SWSAP1: variants seen among roughly 807,000 people sequenced by gnomAD.
SWSAP1 encodes the protein SWIM-type zinc finger 7 associated protein 1, also known as ATPase SWSAP1.
Under a neutral mutation model 5.6 loss-of-function variants are expected in SWSAP1, and 4 were observed. That is an observed-to-expected ratio of 0.72 (90% CI 0.35 to 1.64). The LOEUF (loss-of-function observed/expected upper bound fraction) is 1.64, where lower values mean the gene tolerates loss of function less well. SWSAP1 is among the 40% of genes most tolerant of loss of function. The probability of loss-of-function intolerance (pLI) is 0.05; values close to 1 mark genes in which losing one functional copy is unlikely to be tolerated. For synonymous variants in SWSAP1, 139 were observed against 143.3 expected, an observed-to-expected ratio of 0.97 and a Z score of 0.22; for missense variants, 354 against 319.8, an observed-to-expected ratio of 1.11 and a Z score of -0.82.
chr19:11,375,427 G>C, intron 1 of SWSAP1, 86 bp from the exon 2 acceptor site: 1 of 1,520,598 alleles, frequency 6.6e-7, no homozygotes, highest in South Asian at 1.3e-5. Context: ...TGGAACCAAG[G>C]AAAGTATGCA....
chr19:11,374,666 A>C lies in SWSAP1; in HGVS notation c.-15A>C. 2 of 1,485,808 alleles carry C rather than the reference A, an allele frequency of 1.3e-6. No individual in the cohort carries two copies. Among genetic ancestry groups the C allele is most frequent in the Non-Finnish European group, 1.8e-6 (2 of 1,115,378 alleles). The allele number at this position is 1,485,808 out of a possible 1,614,324, so 92.0% of individuals were successfully genotyped here. A position where few individuals can be genotyped will look rare whatever the true frequency, so the allele number is the denominator to read the frequency against. ...GCTGGGAACGAGCCACCGATTGGTCAGAGCTACGCGGCGAATGGCGGAGAC... is the reference window on the plus strand; with the variant it reads ...GCTGGGAACGAGCCACCGATTGGTCCGAGCTACGCGGCGAATGGCGGAGAC... On this transcript the variant is annotated 5_prime_UTR_variant, in exon 1 of 2. Coordinates refer to ENST00000674460, the MANE Select transcript of SWSAP1 (RefSeq NM_175871.4).
rs867181814 is a variant in SWSAP1, at chr19:11,375,604, T to C, written c.341T>C (p.Leu114Pro). The C allele has an allele frequency of 6.2e-7, 1 of 1,614,152 alleles. No homozygotes were observed. Among genetic ancestry groups the C allele is most frequent in the Non-Finnish European group, 8.5e-7 (1 of 1,180,028 alleles). ...HEAPGPAPSL[L>P]LLDGLEEYLA... is the part of the protein sequence containing the mutation. Reference sequence around the variant, plus strand: ...GCCCCGGGGCCAGCCCCCTCCCTTCTGCTGCTCGACGGCCTAGAAGAGTAC... The same window carrying C: ...GCCCCGGGGCCAGCCCCCTCCCTTCCGCTGCTCGACGGCCTAGAAGAGTAC... Residue 114 changes from leucine (L) to proline (P), a missense_variant, in exon 2 of 2, where the codon CTG becomes CCG. Leu to Pro is a moderately conservative substitution (Grantham distance 98). Transcript: ENST00000674460.
rs150033461 is a variant in SWSAP1 at position 11,375,967 on chromosome 19, C to G, written c.704C>G (p.Ala235Gly). 4.3e-4 allele frequency: 701 copies of G among 1,612,200 alleles called. 1 individual carries two copies. The highest frequency in any genetic ancestry group is 5.6e-4 in the Non-Finnish European group (664 of 1,179,500). ...ATGATCGCTCCGTGGCCCACCCAGG[C>G]TGGTGACCCCAGCTCAGGCAAGGGT... The part of the protein sequence containing the change: ...EMMIAPWPTQ[A>G]GDPSSGKGSS... The change falls in exon 2 of 2, where the codon GCT becomes GGT. Residue 235 changes from alanine to glycine, a missense_variant. By Grantham distance (60) the Ala-to-Gly change is moderately conservative. Transcript: ENST00000674460.
rs560915011 is a variant in SWSAP1, at chr19:11,375,031, G to C, written c.249+102G>C. ...AGCCAATGGAGAGGACGGTGGAAGA[G>C]CGAGCCAGGGCAGCCACGATGGGGC... is the stretch of plus-strand genomic sequence containing the variant. On this transcript the variant is annotated intron_variant, in intron 1 of 1. Transcript: ENST00000674460. 1.2e-4 allele frequency: 178 copies of C among 1,464,918 alleles called. No individual in the cohort carries two copies. In the South Asian group the frequency reaches 1.8e-3, roughly 15 times the overall value. The allele number at this position is 1,464,918 out of a possible 1,614,324, so 90.7% of individuals were successfully genotyped here. A position where few individuals can be genotyped will look rare whatever the true frequency, so the allele number is the denominator to read the frequency against.
rs1237643996 is a variant in SWSAP1, at chr19:11,375,881, G to A, written c.618G>A (p.Glu206=). The A allele has an allele frequency of 1.9e-6, 3 of 1,614,038 alleles. No individual in the cohort carries two copies. The highest frequency in any genetic ancestry group is 2.7e-5 in the African/African-American group (2 of 74,956). ...AGCACGGCCTCCGAGCCTGCCTGGA[G>A]CCAGGCGGGCTGGGCCCCAGAACAG... ...PGEHGLRACL[E]PGGLGPRTEW... The change falls in exon 2 of 2, where the codon GAG becomes GAA. Residue 206 remains glutamate, a synonymous_variant. Coordinates refer to ENST00000674460, the MANE Select transcript of SWSAP1 (RefSeq NM_175871.4).
chr19:11,374,937 T>TG lies in SWSAP1; in HGVS notation c.249+13dup, dbSNP rs748544314. ...GACCCAATGCGACTCCAGGTAACCG[T>TG]GGGGGTGGGAGCAGAGGCGTTCTAG... On this transcript the variant is annotated intron_variant, in intron 1 of 1. Transcript: ENST00000674460. The TG allele has an allele frequency of 3.9e-5, 63 of 1,612,064 alleles. 1 individual carries two copies. The highest frequency in any genetic ancestry group is 2.7e-4 in the East Asian group (12 of 44,844).
In SWSAP1 at chr19:11,376,022, G is replaced by A; in HGVS notation, c.*6G>A. The A allele has an allele frequency of 1.3e-6, 2 of 1,581,432 alleles. No individual in the cohort carries two copies. Among genetic ancestry groups the A allele is most frequent in the African/African-American group, 1.3e-5 (1 of 74,508 alleles). On this transcript the variant is annotated 3_prime_UTR_variant, in exon 2 of 2. Transcript: ENST00000674460. ...GCTCTGGAGGCCAGCCCTGAGCTTT[G>A]GTGGGTGACTACCTCTCTGTGCTTC...
In SWSAP1 at chr19:11,375,677, A is replaced by T; in HGVS notation, c.414A>T (p.Leu138Phe). ...EPQEAAYLIA[L>F]LLDTAAHFSH... The stretch of plus-strand genomic sequence containing the variant: ...AGGAAGCCGCCTACCTCATTGCCTT[A>T]CTTCTAGACACAGCTGCCCACTTCA... The change falls in exon 2 of 2, where the codon TTA becomes TTT. Residue 138 changes from leucine (L) to phenylalanine (F), a missense_variant. By Grantham distance (22) the Leu-to-Phe change is conservative. Coordinates refer to ENST00000674460, the MANE Select transcript of SWSAP1 (RefSeq NM_175871.4). 1.2e-6 allele frequency: 2 copies of T among 1,614,100 alleles called. No individual in the cohort carries two copies. The highest frequency in any genetic ancestry group is 1.7e-6 in the Non-Finnish European group (2 of 1,180,002).
Position 11,374,861 on chromosome 19 carries a change from C to G in SWSAP1, c.181C>G (p.Leu61Val). 1 of 1,614,034 alleles carries G rather than the reference C, an allele frequency of 6.2e-7. No individual in the cohort carries two copies. Among genetic ancestry groups the G allele is most frequent in the Non-Finnish European group, 8.5e-7 (1 of 1,180,038 alleles). Residue 61 changes from leucine to valine, a missense_variant, in exon 1 of 2, where the codon CTG (leucine) becomes GTG (valine). Leu to Val is a conservative substitution (Grantham distance 32). Transcript: ENST00000674460. ...AGEGQGPVLF[L>V]TRRPLQSMPR... The stretch of plus-strand genomic sequence containing the variant: ...GGAGGGCCAAGGCCCAGTCCTCTTC[C>G]TGACACGAAGGCCTCTTCAAAGCAT...
Position 11,374,877 on chromosome 19 carries a change from T to C in SWSAP1, c.197T>C (p.Leu66Pro), listed in dbSNP as rs750498009. 4 of 1,613,880 alleles carry C rather than the reference T, an allele frequency of 2.5e-6. No individual in the cohort carries two copies. In the Admixed American group the frequency reaches 6.7e-5, roughly 27 times the overall value. Residue 66 changes from leucine to proline, a missense_variant, in exon 1 of 2, where the codon CTT (leucine) becomes CCT (proline). Leu to Pro is a moderately conservative substitution (Grantham distance 98). Coordinates refer to ENST00000674460, the MANE Select transcript of SWSAP1 (RefSeq NM_175871.4). Reference protein sequence around the residue: ...GPVLFLTRRPLQSMPRGTGTT... With the variant: ...GPVLFLTRRPPQSMPRGTGTT... ...GTCCTCTTCCTGACACGAAGGCCTC[T>C]TCAAAGCATGCCCCGCGGGACCGGA...
intron 1 of SWSAP1, 106 bp downstream of exon 1, chr19:11,375,035 G>A: frequency 2.1e-6 from 3 of 1,427,326 alleles, no homozygotes; most frequent in Non-Finnish European, 2.9e-6. Context: ...GGAAGAGCGA[G>A]CCAGGGCAGC....
chr19:11,376,029 G>C lies in SWSAP1; in HGVS notation c.*13G>C. On this transcript the variant is annotated 3_prime_UTR_variant, in exon 2 of 2. Transcript: ENST00000674460. ...AGGCCAGCCCTGAGCTTTGGTGGGT[G>C]ACTACCTCTCTGTGCTTCAGTTTCC... 6.4e-7 allele frequency: 1 copy of C among 1,572,744 alleles called. No homozygotes were observed. Among genetic ancestry groups the C allele is most frequent in the Non-Finnish European group, 8.6e-7 (1 of 1,157,460 alleles).
In SWSAP1 at chr19:11,374,693, C is replaced by CTG. The variant is rs1413299552; in HGVS notation, c.14_15dup (p.Arg6Ter). 4 of 1,542,068 alleles carry CTG rather than the reference C, an allele frequency of 2.6e-6. No homozygotes were observed. The African/African-American group carries it at 5.5e-5, about 21-fold the overall frequency. On this transcript the variant is annotated frameshift_variant, in exon 1 of 2. Coordinates refer to ENST00000674460, the MANE Select transcript of SWSAP1 (RefSeq NM_175871.4). LOFTEE classifies it high-confidence loss of function. ...AGCTACGCGGCGAATGGCGGAGACG[C>CTG]TGAGGCGGGTGCTAACCAGGGGCGG...
In SWSAP1 at chr19:11,374,736, A is replaced by G. The variant is rs1568326634; in HGVS notation, c.56A>G (p.Glu19Gly). Reference sequence around the variant, plus strand: ...AGGGGCGGTGCGGCCTGGTCCGGGGAGGAGAACATGCCTGCCGCCGGACCG... The same window carrying G: ...AGGGGCGGTGCGGCCTGGTCCGGGGGGGAGAACATGCCTGCCGCCGGACCG... ...LTRGGAAWSG[E>G]ENMPAAGPPL... The change falls in exon 1 of 2, where the codon GAG (glutamate) becomes GGG (glycine). Residue 19 changes from glutamate to glycine, a missense_variant. Physicochemically the swap from Glu to Gly is moderately conservative, Grantham distance 98 (BLOSUM62 -2). Coordinates refer to ENST00000674460, the MANE Select transcript of SWSAP1 (RefSeq NM_175871.4). 6.2e-7 allele frequency: 1 copy of G among 1,606,378 alleles called. No individual in the cohort carries two copies. Among genetic ancestry groups the G allele is most frequent in the Admixed American group, 1.7e-5 (1 of 58,082 alleles).
At position 11,374,845 on chromosome 19, in the gene SWSAP1, A is replaced by C. The variant is rs368267656; in HGVS notation, c.165A>C (p.Gln55His). The C allele has an allele frequency of 8.1e-5, 130 of 1,613,562 alleles. 1 individual carries two copies. The Middle Eastern group carries it at 2.3e-3, about 29-fold the overall frequency. Residue 55 changes from glutamine to histidine, a missense_variant, in exon 1 of 2, where the codon CAA (glutamine) becomes CAC (histidine). Transcript: ENST00000674460. Reference sequence around the variant, plus strand: ...CCCTAGAGGCGGCGGGGGAGGGCCAAGGCCCAGTCCTCTTCCTGACACGAA... The same window carrying C: ...CCCTAGAGGCGGCGGGGGAGGGCCACGGCCCAGTCCTCTTCCTGACACGAA... ...AAALEAAGEG[Q>H]GPVLFLTRRP...
chr19:11,375,064 G>C, intron 1 of SWSAP1, 135 bp downstream of exon 1: 1 of 1,143,396 alleles, frequency 8.7e-7, no homozygotes, highest in Non-Finnish European at 1.3e-6. Context: ...GGCGGAGTCA[G>C]GCAGGCGGAG....
At position 11,374,832 on chromosome 19, in the gene SWSAP1, C is replaced by G. The variant is rs937720759; in HGVS notation, c.152C>G (p.Ala51Gly). The change falls in exon 1 of 2, where the codon GCG becomes GGG. Residue 51 changes from alanine (A) to glycine (G), a missense_variant. Transcript: ENST00000674460. ...CTATTTGCTGCGGCCCTAGAGGCGG[C>G]GGGGGAGGGCCAAGGCCCAGTCCTC... ...ALLFAAALEAAGEGQGPVLFL... is the reference protein window; with the variant it reads ...ALLFAAALEAGGEGQGPVLFL... 1.3e-6 allele frequency: 2 copies of G among 1,573,818 alleles called. No individual in the cohort carries two copies. Among genetic ancestry groups the G allele is most frequent in the Non-Finnish European group, 1.7e-6 (2 of 1,157,132 alleles).
chr19:11,375,644 A>G lies in SWSAP1; in HGVS notation c.381A>G (p.Pro127=), dbSNP rs754700370. Residue 127 remains proline, a synonymous_variant, in exon 2 of 2, where the codon CCA becomes CCG. Transcript: ENST00000674460. ...DGLEEYLAED[P]EPQEAAYLIA... ...TAGAAGAGTACCTAGCGGAAGACCC[A>G]GAGCCCCAGGAAGCCGCCTACCTCA... The G allele has an allele frequency of 6.2e-7, 1 of 1,614,180 alleles. No homozygotes were observed. Among genetic ancestry groups the G allele is most frequent in the Non-Finnish European group, 8.5e-7 (1 of 1,180,034 alleles).
chr19:11,374,954 G>T, intron 1 of SWSAP1, 25 bp downstream of exon 1: 1 of 1,610,450 alleles, frequency 6.2e-7, no homozygotes, highest in South Asian at 1.1e-5. Flanking sequence ...GGGAGCAGAG[G>T]CGTTCTAGCC....
Sources: gnomAD v4.1 joint callset for allele counts on GRCh38, gnomAD v4.1.1 for gene constraint, MANE v1.5 for transcripts, NCBI Gene and HGNC (gene_info 2026-07-23, HGNC 2026-07-21) for gene names.